Variants in PVT1 observed in about 807,000 individuals in gnomAD.
The protein encoded by PVT1 is Pvt1 oncogene.
In PVT1 at chr8:128,022,341, G is replaced by A. The variant is rs949882423; in HGVS notation, n.912+33050G>A. Among the ~76,000 whole-genome samples the A allele has an allele frequency of 2.0e-5, 3 of 152,194 alleles. No homozygotes were observed. In the South Asian group the frequency reaches 6.2e-4, roughly 32 times the overall value. On this transcript the variant is annotated intron_variant and non_coding_transcript_variant, in intron 4 of 10. Coordinates refer to ENST00000651587, the Ensembl canonical transcript of PVT1. ...AGGGAAAGTTGCATTCTTCTCTGAG[G>A]AACTGCTTAATTCATATCCACTCTC...
chr8:127,805,648 G>T (rs1474298538), intron 2 of PVT1, among the ~76,000 whole-genome samples: 1 of 152,048 alleles, frequency 6.6e-6, no homozygotes, highest in Non-Finnish European at 1.5e-5. Context: ...TGCCTGTGGT[G>T]TGCCAAGTTC....
rs1271087814 is a variant in PVT1, at chr8:128,083,343, G to A, written n.1114+12982G>A. On this transcript the variant is annotated intron_variant and non_coding_transcript_variant, in intron 5 of 10. Coordinates refer to ENST00000651587, the Ensembl canonical transcript of PVT1. ...TAAAAGAAAAGTAGTCACTATTATA[G>A]GCCTGGGTTTGCATCTTGATCCCAT... Among the ~76,000 whole-genome samples, 9 of 152,330 alleles carry A rather than the reference G, an allele frequency of 5.9e-5. No homozygotes were observed. The East Asian group carries it at 1.7e-3, about 29-fold the overall frequency.
intron 4 of PVT1, chr8:128,009,032 AC>A (rs1230862597): frequency 4.6e-6 from 2 of 434,078 alleles, no homozygotes; most frequent in Non-Finnish European, 1.0e-5. Context: ...TAACATTAAT[AC>A]CTATCACTGT....
chr8:127,918,380 C>T (rs1379649003), intron 3 of PVT1, among the ~76,000 whole-genome samples: 6 of 152,182 alleles, frequency 3.9e-5, no homozygotes, highest in African/African-American at 7.2e-5. Flanking sequence ...CCTCCACGGA[C>T]TTGCTCGGTG....
chr8:128,026,488 A>C (rs1813281459), intron 4 of PVT1, among the ~76,000 whole-genome samples: 1 of 152,126 alleles, frequency 6.6e-6, no homozygotes, highest in South Asian at 2.1e-4. Flanking sequence ...TGAGGCTCAC[A>C]GAGGAGAAAT....
At chr8:127,865,247 G>T (rs1430900321) in intron 2 of PVT1, among the ~76,000 whole-genome samples, 4 of 152,192 alleles carry the variant, frequency 2.6e-5, no homozygotes, top group African/African-American at 7.2e-5. Flanking sequence ...AGGACAAGGT[G>T]GTAGGTGCCA....
At chr8:127,818,297 C>T (rs1400762939) in intron 2 of PVT1, among the ~76,000 whole-genome samples, 1 of 152,138 alleles carries the variant, frequency 6.6e-6, no homozygotes, top group Non-Finnish European at 1.5e-5. Flanking sequence ...AAACTTATCG[C>T]AACTGAATAG....
chr8:127,909,737 G>A (rs1420769948), intron 3 of PVT1, among the ~76,000 whole-genome samples: 9 of 152,146 alleles, frequency 5.9e-5, no homozygotes, highest in African/African-American at 2.2e-4. Flanking sequence ...CCCCAGAATT[G>A]GGGGCCTCCG....
chr8:127,840,101 G>T (rs1814957008), intron 2 of PVT1, among the ~76,000 whole-genome samples: 1 of 152,220 alleles, frequency 6.6e-6, no homozygotes, highest in Non-Finnish European at 1.5e-5. Context: ...AGCAGGTAAA[G>T]GGGGTAGAAG....
At chr8:128,019,109 C>T (rs1671094537) in intron 4 of PVT1, among the ~76,000 whole-genome samples, 1 of 152,180 alleles carries the variant, frequency 6.6e-6, no homozygotes, top group Non-Finnish European at 1.5e-5. Flanking sequence ...TGCCAGAGAA[C>T]GTCAGAGCCA....
At chr8:127,955,831 C>T (rs934206368) in intron 3 of PVT1, among the ~76,000 whole-genome samples, 1 of 152,136 alleles carries the variant, frequency 6.6e-6, no homozygotes, top group African/African-American at 2.4e-5. Context: ...GTGATCTGCC[C>T]GCCTCGGCCT....
chr8:127,984,893 CTTTCTTTCTT>C (rs1816937306), intron 3 of PVT1, among the ~76,000 whole-genome samples: 1 of 100,288 alleles, frequency 1.0e-5, no homozygotes, highest in Non-Finnish European at 2.1e-5. Flanking sequence ...TTCTTTCTTT[CTTTCTTTCTT>C]TCTTTCTTTC....
At chr8:127,984,838 TTTCTTTCTTTC>T in intron 3 of PVT1, among the ~76,000 whole-genome samples, 1 of 10,760 alleles carries the variant, frequency 9.3e-5, no homozygotes, top group Non-Finnish European at 2.0e-4. Context: ...TTTCTTTTCT[TTTCTTTCTTTC>T]TTTCTTTCTT....
intron 3 of PVT1, among the ~76,000 whole-genome samples, chr8:127,926,213 A>G (rs185371175): frequency 5.9e-5 from 9 of 152,290 alleles, no homozygotes; most frequent in African/African-American, 2.2e-4. Context: ...CAGCCCAGGC[A>G]GTGTCTGGCC....
At chr8:127,835,530 G>T (rs1304945296) in intron 2 of PVT1, among the ~76,000 whole-genome samples, 1 of 152,086 alleles carries the variant, frequency 6.6e-6, no homozygotes, top group African/African-American at 2.4e-5. Flanking sequence ...GGGTTGATGG[G>T]TGCAGCAAAC....
At chr8:127,942,731 C>T (rs1332915500) in intron 3 of PVT1, among the ~76,000 whole-genome samples, 1 of 152,146 alleles carries the variant, frequency 6.6e-6, no homozygotes, top group Non-Finnish European at 1.5e-5. Context: ...AGTATTGGAG[C>T]CTCCAGCTTT....
At chr8:127,852,553 A>T (rs1815116401) in intron 2 of PVT1, among the ~76,000 whole-genome samples, 1 of 152,114 alleles carries the variant, frequency 6.6e-6, no homozygotes, top group Non-Finnish European at 1.5e-5. Context: ...GAAATAGGAG[A>T]TTTTAACAGT....
At chr8:128,033,112 G>T (rs146292814) in intron 4 of PVT1, among the ~76,000 whole-genome samples, 3 of 152,182 alleles carry the variant, frequency 2.0e-5, no homozygotes, top group Non-Finnish European at 4.4e-5. Flanking sequence ...CTTTGCTGTC[G>T]TCCTTACTTA....
chr8:127,875,155 C>G (rs1446507680), intron 2 of PVT1, among the ~76,000 whole-genome samples: 1 of 152,158 alleles, frequency 6.6e-6, no homozygotes, highest in East Asian at 1.9e-4. Flanking sequence ...TAACTCTTTC[C>G]CACCTTAACC....
Sources: gnomAD v4.1 joint callset for allele counts (sites outside exome capture counted in the v4.1 genomes callset) on GRCh38, gnomAD v4.1.1 for gene constraint, MANE v1.5 for transcripts, NCBI Gene and HGNC (gene_info 2026-07-23, HGNC 2026-07-21) for gene names.